OSBP2: variants seen among roughly 807,000 people sequenced by gnomAD.
OSBP2 encodes the protein oxysterol-binding protein 2.
OSBP2 carries 66 observed loss-of-function variants against 96.0 expected under a neutral mutation model. The ratio of observed to expected loss-of-function variants is 0.69; its 90% confidence interval spans 0.56 to 0.84. The LOEUF is 0.84. Ranked by LOEUF, OSBP2 falls within the 40% of genes least tolerant of loss-of-function variation. OSBP2 has a pLI of 0.00. For synonymous variants in OSBP2, 525 were observed against 520.9 expected, an observed-to-expected ratio of 1.01 and a Z score of -0.11; for missense variants, 1,038 against 1,222.7, an observed-to-expected ratio of 0.85 and a Z score of 2.25.
chr22:30,710,192 G>A (rs1344864271), intron 1 of OSBP2, among the ~76,000 whole-genome samples: 1 of 152,152 alleles, frequency 6.6e-6, no homozygotes, highest in Non-Finnish European at 1.5e-5. Flanking sequence ...GCCTTAGCAA[G>A]AATACTTCTA....
At chr22:30,891,780 T>C (rs1301866792) in intron 8 of OSBP2, among the ~76,000 whole-genome samples, 2 of 151,954 alleles carry the variant, frequency 1.3e-5, no homozygotes, top group African/African-American at 4.8e-5. Flanking sequence ...CTGGAGTGAA[T>C]GTATTTCTCC....
chr22:30,799,116 T>TTCCTTC (rs1569128848), intron 2 of OSBP2, among the ~76,000 whole-genome samples: 33 of 111,680 alleles, frequency 3.0e-4, no homozygotes, highest in South Asian at 9.3e-4. Flanking sequence ...TTCCTTCCTT[T>TTCCTTC]CTTTCTCTTT....
intron 1 of OSBP2, among the ~76,000 whole-genome samples, chr22:30,738,884 G>A (rs1056749239): frequency 6.6e-6 from 1 of 152,068 alleles, no homozygotes; most frequent in Non-Finnish European, 1.5e-5. Flanking sequence ...ATTGAGTGTC[G>A]AGTCATTTGA....
At chr22:30,783,253 G>A (rs1032525639) in intron 2 of OSBP2, among the ~76,000 whole-genome samples, 5 of 136,426 alleles carry the variant, frequency 3.7e-5, no homozygotes, top group African/African-American at 1.1e-4. Context: ...TTCATTCCCC[G>A]AAGACATAAA....
Position 30,876,254 on chromosome 22 carries a change from C to T in OSBP2, c.1107+5572C>T, listed in dbSNP as rs142448270. Among the ~76,000 whole-genome samples the T allele has an allele frequency of 6.0e-3, 915 of 152,312 alleles. 11 individuals are homozygous for T. The highest frequency in any genetic ancestry group is 0.021 in the African/African-American group (869 of 41,566). ...CTCTGGCCAGGATGGGGACCTGCAC[C>T]GGTTTGGCTCTGAAGCCCCCCTCCT... is the stretch of plus-strand genomic sequence containing the variant. On this transcript the variant is annotated intron_variant, in intron 3 of 13. Coordinates refer to ENST00000332585, the MANE Select transcript of OSBP2 (RefSeq NM_030758.4).
intron 2 of OSBP2, among the ~76,000 whole-genome samples, chr22:30,858,132 TTTG>T (rs780984940): frequency 2.3e-5 from 2 of 88,110 alleles, no homozygotes; most frequent in African/African-American, 1.3e-4. Flanking sequence ...TTTTTTTTTG[TTTG>T]TTTGTTTGTT....
chr22:30,870,302 G>A lies in OSBP2; in HGVS notation c.854-127G>A. On this transcript the variant is annotated intron_variant, in intron 2 of 13. Transcript: ENST00000332585. This position sits in a 1 kb window ranked among gnomAD's most constrained non-coding sequence, Gnocchi z 4.1. ...TCACCCCGGCCAGGAACAGGAACGG[G>A]CACCATCTCGGGGACTGATGTTTTT... 1 of 978,276 alleles carries A rather than the reference G, an allele frequency of 1.0e-6. No individual in the cohort carries two copies. Among genetic ancestry groups the A allele is most frequent in the Non-Finnish European group, 1.5e-6 (1 of 660,888 alleles). 60.6% of individuals were successfully genotyped at this position (978,276 alleles called of 1,614,324 possible).
intron 3 of OSBP2, among the ~76,000 whole-genome samples, chr22:30,882,498 G>A (rs2039722846): frequency 7.9e-6 from 1 of 127,162 alleles, no homozygotes. Context: ...CCTCGGTCAT[G>A]CACACTATAA....
At chr22:30,850,966 G>A (rs917824130) in intron 2 of OSBP2, among the ~76,000 whole-genome samples, 1 of 152,048 alleles carries the variant, frequency 6.6e-6, no homozygotes, top group African/African-American at 2.4e-5. Context: ...ATTTATTTAG[G>A]TCTTTAATTT....
At chr22:30,851,464 T>C (rs1602357109) in intron 2 of OSBP2, among the ~76,000 whole-genome samples, 1 of 152,210 alleles carries the variant, frequency 6.6e-6, no homozygotes, top group African/African-American at 2.4e-5. Flanking sequence ...TAAATTCACA[T>C]TTTAGTTCAT....
chr22:30,770,013 T>G (rs2090327005), intron 2 of OSBP2, among the ~76,000 whole-genome samples: 1 of 152,132 alleles, frequency 6.6e-6, no homozygotes, highest in African/African-American at 2.4e-5. Flanking sequence ...TCTGATGGTT[T>G]ATAAAGGGGA....
At chr22:30,858,272 C>T (rs371757158) in intron 2 of OSBP2, among the ~76,000 whole-genome samples, 300 of 150,906 alleles carry the variant, frequency 2.0e-3, no homozygotes, top group Non-Finnish European at 3.8e-3. Flanking sequence ...TCAGCCTCCC[C>T]AGTAGCTGGG....
chr22:30,754,227 A>C (rs1185714169), intron 2 of OSBP2, among the ~76,000 whole-genome samples: 1 of 152,132 alleles, frequency 6.6e-6, no homozygotes, highest in African/African-American at 2.4e-5. Context: ...TTTTCCCTGC[A>C]CACTCCCTCT....
At chr22:30,893,398 T>C in intron 9 of OSBP2, 65 bp from the exon 10 acceptor site, 1 of 1,551,862 alleles carries the variant, frequency 6.4e-7, no homozygotes, top group African/African-American at 1.4e-5. Context: ...ACACCAGGCC[T>C]AAGGGCAGAC....
At chr22:30,784,113 C>T (rs2090555529) in intron 2 of OSBP2, among the ~76,000 whole-genome samples, 1 of 152,072 alleles carries the variant, frequency 6.6e-6, no homozygotes, top group Admixed American at 6.6e-5. Flanking sequence ...GATACAAATC[C>T]TAGATTTTCA....
At chr22:30,832,496 G>T (rs917243922) in intron 2 of OSBP2, among the ~76,000 whole-genome samples, 4 of 151,660 alleles carry the variant, frequency 2.6e-5, no homozygotes, top group Non-Finnish European at 5.9e-5. Flanking sequence ...TTGCTATGTT[G>T]CCCAGGCTGG....
At chr22:30,730,772 CTCTATATATATATATATA>C (rs2089753269) in intron 1 of OSBP2, among the ~76,000 whole-genome samples, 1 of 20,572 alleles carries the variant, frequency 4.9e-5, no homozygotes, top group African/African-American at 1.8e-4. Context: ...CTCTCTCTCT[CTCTATATATATATATATA>C]TATATATATA....
chr22:30,786,672 C>T (rs2090594423), intron 2 of OSBP2, among the ~76,000 whole-genome samples: 1 of 118,520 alleles, frequency 8.4e-6, no homozygotes, highest in Admixed American at 1.2e-4. Context: ...GAGATCCTGG[C>T]TGTTCAGAGA....
chr22:30,883,311 A>T (rs2039739986), intron 3 of OSBP2, among the ~76,000 whole-genome samples: 1 of 152,216 alleles, frequency 6.6e-6, no homozygotes, highest in Non-Finnish European at 1.5e-5. Flanking sequence ...CTGGGATCCC[A>T]TCCTGTTCAC....
Sources: gnomAD v4.1 joint callset for allele counts (sites outside exome capture counted in the v4.1 genomes callset) on GRCh38, gnomAD v4.1.1 for gene constraint, Gnocchi (gnomAD v3.1) non-coding constraint, MANE v1.5 for transcripts, NCBI Gene and HGNC (gene_info 2026-07-23, HGNC 2026-07-21) for gene names.